PAICS: variants seen among roughly 807,000 people sequenced by gnomAD.
PAICS encodes phosphoribosylaminoimidazole carboxylase and phosphoribosylaminoimidazolesuccinocarboxamide synthase.
A neutral mutation model predicts 53.7 loss-of-function variants in PAICS; 33 were observed. The observed-to-expected ratio is 0.61, with a 90% CI of 0.47 to 0.82. The LOEUF is 0.82. Among genes scored for constraint, PAICS ranks in the 40% least tolerant of loss-of-function variants. PAICS has a pLI of 0.00. For missense variants in PAICS, 394 were observed against 494.1 expected (o/e 0.80, Z 1.92); for synonymous variants, 141 against 167.2 (o/e 0.84, Z 1.21).
At chr4:56,436,040 A>G, upstream of PAICS, 2 of 1,519,288 alleles carry the variant, frequency 1.3e-6, no homozygotes, top group Non-Finnish European at 1.8e-6. Flanking sequence ...CTGTCCGGGC[A>G]CTGCGCCAGC....
At chr4:56,449,805 CAAAAAA>C (rs753536092) in intron 5 of PAICS, among the ~76,000 whole-genome samples, 3 of 92,614 alleles carry the variant, frequency 3.2e-5, no homozygotes, top group East Asian at 2.9e-4. Context: ...AACCTTGTCT[CAAAAAA>C]AAAAAAAAAA....
At chr4:56,455,345 T>C (rs1264258313) in intron 8 of PAICS, among the ~76,000 whole-genome samples, 4 of 152,212 alleles carry the variant, frequency 2.6e-5, no homozygotes, top group Admixed American at 6.5e-5. Flanking sequence ...TTTTCTCATA[T>C]CTGTATATAT....
At chr4:56,417,849 T>G in the PAICS span, among the ~76,000 whole-genome samples, 7 of 150,276 alleles carry the variant, frequency 4.7e-5, no homozygotes, top group East Asian at 3.9e-4. Flanking sequence ...TTTGTTTTTT[T>G]TTTTTTTTTT....
intron 8 of PAICS, among the ~76,000 whole-genome samples, chr4:56,458,810 C>T (rs1330274202): frequency 6.6e-6 from 1 of 151,992 alleles, no homozygotes; most frequent in Non-Finnish European, 1.5e-5. Context: ...GACATGTGGC[C>T]CCTAGGATGT....
chr4:56,435,966 AG>A, upstream of PAICS: 1 of 1,509,336 alleles, frequency 6.6e-7, no homozygotes, highest in South Asian at 1.1e-5. Flanking sequence ...GCAGCCGAGA[AG>A]GGGCCGGGGT....
chr4:56,445,286 A>G (rs1205756771), intron 2 of PAICS, among the ~76,000 whole-genome samples: 1 of 152,060 alleles, frequency 6.6e-6, no homozygotes, highest in Non-Finnish European at 1.5e-5. Flanking sequence ...TTTTCACTGT[A>G]AAATGTATAA....
At chr4:56,417,160 C>T in the PAICS span, among the ~76,000 whole-genome samples, 1 of 151,146 alleles carries the variant, frequency 6.6e-6, no homozygotes, top group East Asian at 2.0e-4. Context: ...CTTCTAATTT[C>T]TTATTGAAGC....
the PAICS span, among the ~76,000 whole-genome samples, chr4:56,413,106 T>C: frequency 2.0e-5 from 3 of 152,086 alleles, no homozygotes; most frequent in African/African-American, 7.2e-5. Context: ...CAGGAGGATA[T>C]AATTACTTTG....
At position 56,458,857 on chromosome 4, in the gene PAICS, T is replaced by G. The variant is rs148065628; in HGVS notation, c.1112-515T>G. ...TCTGCTGTCTTGGATCTTATTAATA[T>G]TTATTTATAACTTGACATTTCCTAA... On this transcript the variant is annotated intron_variant, in intron 8 of 8. Coordinates refer to ENST00000512576, the MANE Select transcript of PAICS (RefSeq NM_001079524.2). 2.3e-3 allele frequency among the ~76,000 whole-genome samples: 350 copies of G among 152,344 alleles called. 3 individuals are homozygous for G. Among genetic ancestry groups the G allele is most frequent in the African/African-American group, 8.2e-3 (342 of 41,576 alleles).
intron 8 of PAICS, among the ~76,000 whole-genome samples, chr4:56,457,662 GTTTT>G (rs756911104): frequency 3.1e-5 from 4 of 127,932 alleles, no homozygotes; most frequent in Non-Finnish European, 6.6e-5. Context: ...TTAGAATTAA[GTTTT>G]TTTTTTTTTT....
intron 2 of PAICS, 73 bp downstream of exon 2, chr4:56,441,933 G>T (rs1442386058): frequency 5.0e-6 from 5 of 1,007,538 alleles, no homozygotes; most frequent in African/African-American, 1.6e-5. Context: ...TGTGAAGTTG[G>T]CATTAATATG....
chr4:56,436,364 C>G, intron 1 of PAICS, 36 bp downstream of exon 1: 1 of 1,475,872 alleles, frequency 6.8e-7, no homozygotes, highest in Non-Finnish European at 9.4e-7. Flanking sequence ...CACGGTCTCC[C>G]TGACCCCCAG....
intron 7 of PAICS, among the ~76,000 whole-genome samples, chr4:56,452,581 CAA>C (rs955114896): frequency 6.6e-6 from 1 of 152,080 alleles, no homozygotes; most frequent in Admixed American, 6.5e-5. Flanking sequence ...GAAAAGAAAA[CAA>C]AGACTAGAAT....
chr4:56,418,262 C>T, the PAICS span, among the ~76,000 whole-genome samples: 1 of 152,126 alleles, frequency 6.6e-6, no homozygotes, highest in Non-Finnish European at 1.5e-5. Context: ...GTGGTCTCTC[C>T]ACTACACTCT....
chr4:56,453,449 G>A (rs1198177484), intron 7 of PAICS, among the ~76,000 whole-genome samples, 154 bp from the exon 8 acceptor site: 1 of 143,036 alleles, frequency 7.0e-6, no homozygotes, highest in East Asian at 2.3e-4. Flanking sequence ...GAATATATGT[G>A]TAATAATAGT....
the PAICS span, among the ~76,000 whole-genome samples, chr4:56,417,834 G>T: frequency 2.7e-5 from 3 of 111,160 alleles, no homozygotes; most frequent in African/African-American, 3.5e-5. Flanking sequence ...TTGAAGATTT[G>T]GTTTTTTGTT....
At chr4:56,427,403 G>T in the PAICS span, among the ~76,000 whole-genome samples, 1 of 152,152 alleles carries the variant, frequency 6.6e-6, no homozygotes, top group Non-Finnish European at 1.5e-5. Flanking sequence ...GGCATATGCT[G>T]AAAGTTTCTG....
At chr4:56,443,020 A>G (rs1718417187) in intron 2 of PAICS, among the ~76,000 whole-genome samples, 1 of 152,164 alleles carries the variant, frequency 6.6e-6, no homozygotes, top group African/African-American at 2.4e-5. Flanking sequence ...TGTAAATTTA[A>G]AGGATCTTCC....
intron 2 of PAICS, chr4:56,446,396 G>A (rs771772138): frequency 1.7e-5 from 12 of 717,702 alleles, no homozygotes; most frequent in South Asian, 1.5e-4. Context: ...TTGTTCTTTT[G>A]CATTTTGTGT....
Sources: gnomAD v4.1 joint callset for allele counts (sites outside exome capture counted in the v4.1 genomes callset) on GRCh38, gnomAD v4.1.1 for gene constraint, MANE v1.5 for transcripts, NCBI Gene and HGNC (gene_info 2026-07-23, HGNC 2026-07-21) for gene names.